Variants in MAP2K5 observed in about 807,000 individuals in gnomAD.
MAP2K5 encodes the protein dual specificity mitogen-activated protein kinase kinase 5.
MAP2K5 carries 49 observed loss-of-function variants against 83.1 expected under a neutral mutation model. The observed-to-expected ratio is 0.59, with a 90% CI of 0.47 to 0.75. The LOEUF is 0.75. MAP2K5 is among the 30% of genes least tolerant of loss of function. The pLI is 0.00. For synonymous variants in MAP2K5, 202 were observed against 191.8 expected (o/e 1.05, Z -0.44); for missense variants, 457 against 557.5 (o/e 0.82, Z 1.82).
intron 9 of MAP2K5, chr15:67,642,464 G>C (rs764330803): frequency 6.2e-7 from 1 of 1,608,940 alleles, no homozygotes; most frequent in South Asian, 1.1e-5. Flanking sequence ...TTGAGGGCCA[G>C]AGCTAGAGAT....
At chr15:67,625,155 TTGTC>T (rs565925152) in intron 8 of MAP2K5, among the ~76,000 whole-genome samples, 146 of 152,324 alleles carry the variant, frequency 9.6e-4, no homozygotes, top group Non-Finnish European at 1.6e-3. Flanking sequence ...ACCAACTTCT[TTGTC>T]TGGTCATCTA....
intron 12 of MAP2K5, among the ~76,000 whole-genome samples, chr15:67,660,956 G>A (rs1424439836): frequency 6.6e-6 from 1 of 151,944 alleles, no homozygotes; most frequent in Non-Finnish European, 1.5e-5. Flanking sequence ...GAATAGTGGA[G>A]CAACACAATT....
At chr15:67,705,377 A>G (rs2141218234) in intron 16 of MAP2K5, among the ~76,000 whole-genome samples, 1 of 152,300 alleles carries the variant, frequency 6.6e-6, no homozygotes, top group African/African-American at 2.4e-5. Context: ...GGGGAAGGAC[A>G]GAGAACAAAG....
At chr15:67,654,652 C>G (rs1301352481) in intron 11 of MAP2K5, among the ~76,000 whole-genome samples, 1 of 152,020 alleles carries the variant, frequency 6.6e-6, no homozygotes, top group Non-Finnish European at 1.5e-5. Flanking sequence ...TTAAATTCCC[C>G]ATGGTTGCTT....
Position 67,640,234 on chromosome 15 carries a change from T to G in MAP2K5, c.586-5997T>G, listed in dbSNP as rs1005958333. On this transcript the variant is annotated intron_variant, in intron 9 of 21. Transcript: ENST00000178640. This position sits in a 1 kb window ranked among gnomAD's most constrained non-coding sequence, Gnocchi z 4.6. ...TTGAGTGACTGAGTGAATAAATTTT[T>G]GTTCTTCTGTTTGTTCTTTAGTTCA... Among the ~76,000 whole-genome samples the G allele has an allele frequency of 6.6e-6, 1 of 152,240 alleles. No individual in the cohort carries two copies. The highest frequency in any genetic ancestry group is 6.5e-5 in the Admixed American group (1 of 15,280).
chr15:67,755,360 A>C lies in MAP2K5; in HGVS notation c.1134+6759A>C, dbSNP rs2089813904. Among the ~76,000 whole-genome samples, 1 of 151,826 alleles carries C rather than the reference A, an allele frequency of 6.6e-6. No homozygotes were observed. Among genetic ancestry groups the C allele is most frequent in the Non-Finnish European group, 1.5e-5 (1 of 67,944 alleles). On this transcript the variant is annotated intron_variant, in intron 19 of 21. Coordinates refer to ENST00000178640, the MANE Select transcript of MAP2K5 (RefSeq NM_145160.3). The surrounding 1 kb of genome is among the most constrained non-coding windows in gnomAD (Gnocchi z 4.7). ...CCCTTTCCCAGTCCTCCATTTTCTC[A>C]TCCCCCTTTGTTCAGTGTCACCCTC...
intron 1 of MAP2K5, among the ~76,000 whole-genome samples, chr15:67,548,296 G>GT (rs796255016): frequency 3.9e-5 from 6 of 152,214 alleles, no homozygotes; most frequent in African/African-American, 1.4e-4. Flanking sequence ...TTTTCCCCTC[G>GT]TTTTTTTAAA....
rs544160912 is a variant in MAP2K5, at chr15:67,775,107, G to A, written c.1242+2355G>A. ...TGGGCCATGCAGAGTGGGCACTTAG[G>A]TGGTGAGGTCACTGTTTATACCAGA... is the stretch of plus-strand genomic sequence containing the variant. On this transcript the variant is annotated intron_variant, in intron 21 of 21. Transcript: ENST00000178640. The surrounding 1 kb of genome is among the most constrained non-coding windows in gnomAD (Gnocchi z 5.3). 2.0e-4 allele frequency among the ~76,000 whole-genome samples: 30 copies of A among 152,344 alleles called. No individual in the cohort carries two copies. The South Asian group carries it at 6.0e-3, about 31-fold the overall frequency.
Position 67,577,510 on chromosome 15 carries a change from C to G in MAP2K5, c.253-3244C>G, listed in dbSNP as rs189815840. Reference sequence around the variant, plus strand: ...GAAGGTTACTTTGTTACATTTCTGTCCAAGCTATTATGTTCAGTATCTTAG... The same window carrying G: ...GAAGGTTACTTTGTTACATTTCTGTGCAAGCTATTATGTTCAGTATCTTAG... On this transcript the variant is annotated intron_variant, in intron 3 of 21. Coordinates refer to ENST00000178640, the MANE Select transcript of MAP2K5 (RefSeq NM_145160.3). The surrounding 1 kb of genome is among the most constrained non-coding windows in gnomAD (Gnocchi z 4.1). Among the ~76,000 whole-genome samples the G allele has an allele frequency of 3.9e-5, 6 of 152,242 alleles. No individual in the cohort carries two copies. Among genetic ancestry groups the G allele is most frequent in the Admixed American group, 1.3e-4 (2 of 15,294 alleles).
rs1278372814 is a variant in MAP2K5 at position 67,785,093 on chromosome 15, T to C, written c.1242+12341T>C. ...TTCCTTGAGTAGCTGAGACTACACA[T>C]GAACAACACTATGGCTAATTTTTGT... On this transcript the variant is annotated intron_variant, in intron 21 of 21. Coordinates refer to ENST00000178640, the MANE Select transcript of MAP2K5 (RefSeq NM_145160.3). This position sits in a 1 kb window ranked among gnomAD's most constrained non-coding sequence, Gnocchi z 4.4. Among the ~76,000 whole-genome samples the C allele has an allele frequency of 6.6e-6, 1 of 152,114 alleles. No homozygotes were observed. Among genetic ancestry groups the C allele is most frequent in the Non-Finnish European group, 1.5e-5 (1 of 68,010 alleles).
intron 17 of MAP2K5, among the ~76,000 whole-genome samples, chr15:67,735,276 G>A (rs897252736): frequency 6.6e-6 from 1 of 152,108 alleles, no homozygotes; most frequent in Non-Finnish European, 1.5e-5. Context: ...CCAATGTGTG[G>A]GTAGCTTAGA....
chr15:67,622,947 AC>A (rs1441800552), intron 8 of MAP2K5, among the ~76,000 whole-genome samples: 3 of 149,506 alleles, frequency 2.0e-5, no homozygotes, highest in African/African-American at 7.3e-5. Context: ...AAATACAAAA[AC>A]AAAATTAGCC....
chr15:67,733,803 A>G (rs1270086429), intron 17 of MAP2K5, among the ~76,000 whole-genome samples: 2 of 152,240 alleles, frequency 1.3e-5, no homozygotes, highest in Non-Finnish European at 2.9e-5. Context: ...ATGCATTCTT[A>G]ATGATATAAC....
chr15:67,628,731 A>G (rs976800809), intron 8 of MAP2K5: 21 of 779,686 alleles, frequency 2.7e-5, no homozygotes, highest in Admixed American at 8.5e-5. Flanking sequence ...GAGATGGCTA[A>G]TGCTTCAGCC....
intron 16 of MAP2K5, among the ~76,000 whole-genome samples, chr15:67,726,923 G>A (rs1225924535): frequency 6.6e-6 from 1 of 152,152 alleles, no homozygotes; most frequent in Non-Finnish European, 1.5e-5. Context: ...TTTTGGCCAG[G>A]TTCAATGGCT....
chr15:67,675,320 T>C lies in MAP2K5; in HGVS notation c.847+10675T>C, dbSNP rs2087651162. On this transcript the variant is annotated intron_variant, in intron 13 of 21. Coordinates refer to ENST00000178640, the MANE Select transcript of MAP2K5 (RefSeq NM_145160.3). ...ACCTAGATGAACCTCCAGATCATTATACTGAGTGAAAAAGCCAGTCACAAA... is the reference window on the plus strand; with the variant it reads ...ACCTAGATGAACCTCCAGATCATTACACTGAGTGAAAAAGCCAGTCACAAA... Among the ~76,000 whole-genome samples the C allele has an allele frequency of 2.6e-5, 4 of 152,230 alleles. No individual in the cohort carries two copies. In the South Asian group the frequency reaches 8.3e-4, roughly 31 times the overall value.
rs1385982679 is a variant in MAP2K5 at position 67,757,420 on chromosome 15, A to AT, written c.1134+8820dup. On this transcript the variant is annotated intron_variant, in intron 19 of 21. Transcript: ENST00000178640. The surrounding 1 kb of genome is among the most constrained non-coding windows in gnomAD (Gnocchi z 4.9). ...AACCCAACCTATAAAATAGATGAACATGAAGCTATTTTGGTTTGGTCAGAG... is the reference window on the plus strand; with the variant it reads ...AACCCAACCTATAAAATAGATGAACATTGAAGCTATTTTGGTTTGGTCAGAG... Among the ~76,000 whole-genome samples, 1 of 152,208 alleles carries AT rather than the reference A, an allele frequency of 6.6e-6. No homozygotes were observed. Among genetic ancestry groups the AT allele is most frequent in the Non-Finnish European group, 1.5e-5 (1 of 68,028 alleles).
chr15:67,791,203 T>A (rs2090511504), intron 21 of MAP2K5, among the ~76,000 whole-genome samples: 1 of 152,180 alleles, frequency 6.6e-6, no homozygotes, highest in Non-Finnish European at 1.5e-5. Context: ...AAGATGACTT[T>A]GAAGCTTTGG....
At chr15:67,629,002 A>C in intron 8 of MAP2K5, 1 of 758,226 alleles carries the variant, frequency 1.3e-6, no homozygotes, top group South Asian at 1.3e-5. Context: ...AGACCCGTGA[A>C]GGGAGGAAAC....
Sources: allele counts gnomAD v4.1 joint callset (sites outside exome capture counted in the v4.1 genomes callset), GRCh38; gene constraint gnomAD v4.1.1; non-coding constraint Gnocchi (gnomAD v3.1); transcripts MANE v1.5; gene names NCBI Gene and HGNC (gene_info 2026-07-23, HGNC 2026-07-21).